The following CLDN14 variants were observed in gnomAD, a reference collection of about 807,000 sequenced individuals.
CLDN14 encodes claudin-14.
Under a neutral mutation model 2.1 loss-of-function variants are expected in CLDN14, and 2 were observed. The ratio of observed to expected loss-of-function variants is 0.96; its 90% CI spans 0.39 to 3.01. The LOEUF (loss-of-function observed/expected upper bound fraction) is 3.01, where lower values mean the gene tolerates loss of function less well. Ranked by LOEUF, CLDN14 falls within the 30% of genes most tolerant of loss-of-function variation. CLDN14 has a pLI of 0.09. For missense variants in CLDN14, 298 were observed against 328.0 expected (o/e 0.91, Z 0.71); for synonymous variants, 136 against 154.4 (o/e 0.88, Z 0.88).
chr21:36,552,081 T>A (rs2087566996), intron 1 of CLDN14, among the ~76,000 whole-genome samples: 1 of 152,200 alleles, frequency 6.6e-6, no homozygotes, highest in Non-Finnish European at 1.5e-5. Flanking sequence ...CTGATTATGT[T>A]CCTCAGAATT....
chr21:36,460,971 G>A lies in CLDN14; in HGVS notation c.*5C>T. 1 of 1,611,684 alleles carries A rather than the reference G, an allele frequency of 6.2e-7. No individual in the cohort carries two copies. The highest frequency in any genetic ancestry group is 8.5e-7 in the Non-Finnish European group (1 of 1,179,508). The stretch of plus-strand genomic sequence containing the variant: ...CAGCCCAGGGGAGAAGCAGGCTGTG[G>A]GGACTCACACGTAGTCGTTCAGCCT... On this transcript the variant is annotated 3_prime_UTR_variant, in exon 2 of 2. Coordinates refer to ENST00000399135, the MANE Select transcript of CLDN14 (RefSeq NM_001146079.2). The surrounding 1 kb of genome is among the most constrained non-coding windows in gnomAD (Gnocchi z 4.0).
chr21:36,514,950 T>C (rs546089582), intron 1 of CLDN14, among the ~76,000 whole-genome samples: 1 of 152,302 alleles, frequency 6.6e-6, no homozygotes, highest in Admixed American at 6.5e-5. Flanking sequence ...TCAGAGCGAC[T>C]TGAAAGTGTT....
At chr21:36,506,646 AC>A (rs964971241) in intron 2 of CLDN14, among the ~76,000 whole-genome samples, 1 of 151,404 alleles carries the variant, frequency 6.6e-6, no homozygotes, top group African/African-American at 2.4e-5. Context: ...ATGCAGAGAG[AC>A]CTTCTGAGGG....
intron 1 of CLDN14, among the ~76,000 whole-genome samples, chr21:36,514,475 G>T (rs2835372): frequency 0.048 from 7,363 of 152,220 alleles, 494 homozygotes; most frequent in African/African-American, 0.15. Context: ...GTTTCAATTG[G>T]TTGGTAGATG....
chr21:36,505,421 A>G (rs909967210), intron 2 of CLDN14, among the ~76,000 whole-genome samples: 1 of 152,156 alleles, frequency 6.6e-6, no homozygotes, highest in African/African-American at 2.4e-5. Context: ...AAGCCATCAT[A>G]CTCCTGAATA....
At position 36,461,003 on chromosome 21, in the gene CLDN14, G is replaced by C; in HGVS notation, c.693C>G (p.Ser231Arg). ...RAPSVTSATH[S>R]GYRLNDYV ...ACACGTAGTCGTTCAGCCTGTACCC[G>C]CTGTGCGTGGCCGAGGTCACTGAGG... The change falls in exon 2 of 2, where the codon AGC becomes AGG. Residue 231 changes from serine (S) to arginine (R), a missense_variant. Ser to Arg is a moderately radical substitution (Grantham distance 110, BLOSUM62 -1). Coordinates refer to ENST00000399135, the MANE Select transcript of CLDN14 (RefSeq NM_001146079.2). The C allele has an allele frequency of 6.2e-7, 1 of 1,613,114 alleles. No individual in the cohort carries two copies. The highest frequency in any genetic ancestry group is 2.2e-5 in the East Asian group (1 of 44,878).
intron 2 of CLDN14, among the ~76,000 whole-genome samples, chr21:36,488,220 C>CCTTCCTTCCTT (rs2086917554): frequency 2.3e-4 from 22 of 97,238 alleles, no homozygotes; most frequent in African/African-American, 8.8e-4. Context: ...ACTGTGATTC[C>CCTTCCTTCCTT]CCTTCCTTCC....
rs763411863 is a variant in CLDN14 at position 36,461,333 on chromosome 21, G to A, written c.363C>T (p.Gly121=). The A allele has an allele frequency of 4.6e-5, 74 of 1,613,322 alleles. No individual in the cohort carries two copies. Among genetic ancestry groups the A allele is most frequent in the Non-Finnish European group, 5.6e-5 (66 of 1,179,976 alleles). Reference sequence around the variant, plus strand: ...GGCCGGCCAGGATGAAGAGGGTGCCGCCGAGGATGGCAAAGGTGGTCTTGG... The same window carrying A: ...GGCCGGCCAGGATGAAGAGGGTGCCACCGAGGATGGCAAAGGTGGTCTTGG... ...TPAKTTFAIL[G]GTLFILAGLL... Residue 121 remains glycine (G), a synonymous_variant, in exon 2 of 2, where the codon GGC becomes GGT. Coordinates refer to ENST00000399135, the MANE Select transcript of CLDN14 (RefSeq NM_001146079.2).
chr21:36,548,317 G>C (rs1377938234), intron 1 of CLDN14, among the ~76,000 whole-genome samples: 1 of 152,146 alleles, frequency 6.6e-6, no homozygotes, highest in Non-Finnish European at 1.5e-5. Flanking sequence ...TCCCGGCTGG[G>C]CCATGAGCTC....
chr21:36,497,610 A>C (rs1204189724), intron 2 of CLDN14, among the ~76,000 whole-genome samples: 1 of 152,062 alleles, frequency 6.6e-6, no homozygotes, highest in Non-Finnish European at 1.5e-5. Context: ...TTTTGCACAA[A>C]TCATCTTAAA....
intron 1 of CLDN14, among the ~76,000 whole-genome samples, chr21:36,537,183 C>T (rs1477721032): frequency 2.0e-5 from 3 of 151,998 alleles, no homozygotes; most frequent in African/African-American, 7.3e-5. Context: ...AAGAGCAAAA[C>T]TCCATCTCAA....
At chr21:36,486,870 G>T in intron 2 of CLDN14, 1 of 704,022 alleles carries the variant, frequency 1.4e-6, no homozygotes, top group Non-Finnish European at 2.6e-6. Flanking sequence ...GTTGGACGGT[G>T]TGTAGCTTGG....
chr21:36,527,304 C>T (rs1024595218), intron 1 of CLDN14, among the ~76,000 whole-genome samples: 2 of 152,122 alleles, frequency 1.3e-5, no homozygotes, highest in African/African-American at 2.4e-5. Context: ...GATTTTGTTG[C>T]CGGGAGTGAC....
intron 1 of CLDN14, among the ~76,000 whole-genome samples, chr21:36,534,393 C>G (rs1161213627): frequency 1.3e-5 from 2 of 152,164 alleles, no homozygotes; most frequent in African/African-American, 4.8e-5. Context: ...CCAGGACGAT[C>G]CCCCCGTGGG....
chr21:36,541,572 T>C (rs960017851), intron 1 of CLDN14, among the ~76,000 whole-genome samples: 9 of 152,222 alleles, frequency 5.9e-5, no homozygotes, highest in Non-Finnish European at 1.2e-4. Context: ...TTCGCCCTTA[T>C]TTTCAACTTC....
chr21:36,468,366 C>T lies in CLDN14; in HGVS notation c.-81-6590G>A, dbSNP rs528362603. Reference sequence around the variant, plus strand: ...CTGAGGTGGGCAGATCACCTGAGGTCGGGAGTTTGAGACCAGCCTGGCCAA... The same window carrying T: ...CTGAGGTGGGCAGATCACCTGAGGTTGGGAGTTTGAGACCAGCCTGGCCAA... On this transcript the variant is annotated intron_variant, in intron 1 of 1. Transcript: ENST00000399135. Among the ~76,000 whole-genome samples, 185 of 152,194 alleles carry T rather than the reference C, an allele frequency of 1.2e-3. 1 individual carries two copies. The highest frequency in any genetic ancestry group is 3.7e-3 in the African/African-American group (155 of 41,522).
intron 1 of CLDN14, among the ~76,000 whole-genome samples, chr21:36,533,535 A>G (rs2087398623): frequency 6.6e-6 from 1 of 152,198 alleles, no homozygotes; most frequent in Non-Finnish European, 1.5e-5. Flanking sequence ...GATTACGTAG[A>G]CATTGTACCA....
chr21:36,553,808 A>T (rs2087579021), intron 1 of CLDN14, among the ~76,000 whole-genome samples: 1 of 152,138 alleles, frequency 6.6e-6, no homozygotes, highest in South Asian at 2.1e-4. Flanking sequence ...GAGATGAGGG[A>T]TGAGGCATGG....
chr21:36,542,939 G>C (rs2087501744), intron 1 of CLDN14: 1 of 152,552 alleles, frequency 6.6e-6, no homozygotes, highest in South Asian at 2.1e-4. Context: ...TTGCAGCCTT[G>C]CTGGGAACAC....
Sources: allele counts gnomAD v4.1 joint callset (sites outside exome capture counted in the v4.1 genomes callset), GRCh38; gene constraint gnomAD v4.1.1; non-coding constraint Gnocchi (gnomAD v3.1); transcripts MANE v1.5; gene names NCBI Gene and HGNC (gene_info 2026-07-23, HGNC 2026-07-21).